MCU: variants seen among roughly 807,000 people sequenced by gnomAD.
The protein encoded by MCU is calcium uniporter protein, mitochondrial.
A neutral mutation model predicts 45.2 loss-of-function variants in MCU; 12 were observed. The observed-to-expected ratio is 0.27, with a 90% CI of 0.17 to 0.43. The LOEUF is 0.43. MCU is among the 20% of genes least tolerant of loss of function. The pLI, the probability that MCU is intolerant of heterozygous loss-of-function variation, is 1.00. For missense variants in MCU, 324 were observed against 436.7 expected (o/e 0.74, Z 2.30); for synonymous variants, 160 against 165.1 (o/e 0.97, Z 0.24).
At chr10:72,820,003 A>G (rs563773385) in intron 1 of MCU, among the ~76,000 whole-genome samples, 2 of 152,178 alleles carry the variant, frequency 1.3e-5, no homozygotes, top group Non-Finnish European at 2.9e-5. Flanking sequence ...CTGAGGGGAA[A>G]GTGTGTACTT....
intron 1 of MCU, among the ~76,000 whole-genome samples, chr10:72,777,306 A>G (rs1843910212): frequency 6.6e-6 from 1 of 152,238 alleles, no homozygotes; most frequent in East Asian, 1.9e-4. Flanking sequence ...TTTACTCTAA[A>G]GCTACAGTAA....
intron 1 of MCU, among the ~76,000 whole-genome samples, chr10:72,803,049 TCTC>T (rs764571560): frequency 2.0e-5 from 3 of 152,176 alleles, no homozygotes; most frequent in Non-Finnish European, 2.9e-5. Flanking sequence ...TTTCTCCTCT[TCTC>T]CTTTGTGGAT....
rs561928371 is a variant in MCU, at chr10:72,839,959, G to A, written c.220+5531G>A. ...AGCCTGGGTGACAAAGCGAGACTCC[G>A]TCTCAAAAAAAAAAAAAAAAAAAAA... is the stretch of plus-strand genomic sequence containing the variant. On this transcript the variant is annotated intron_variant, in intron 2 of 7. Coordinates refer to ENST00000373053, the MANE Select transcript of MCU (RefSeq NM_138357.3). 2.4e-4 allele frequency among the ~76,000 whole-genome samples: 17 copies of A among 70,674 alleles called. No individual in the cohort carries two copies. In the South Asian group the frequency reaches 6.9e-3, roughly 29 times the overall value. The allele number at this position is 70,674 out of a possible 152,430, so 46.4% of individuals were successfully genotyped here. A position where few individuals can be genotyped will look rare whatever the true frequency, so the allele number is the denominator to read the frequency against.
intron 2 of MCU, among the ~76,000 whole-genome samples, chr10:72,840,833 T>A (rs1439662310): frequency 6.6e-6 from 1 of 152,174 alleles, no homozygotes; most frequent in Non-Finnish European, 1.5e-5. Flanking sequence ...GTTTGAAACT[T>A]TACCAAAATG....
At chr10:72,704,422 T>C (rs1354256189) in intron 1 of MCU, among the ~76,000 whole-genome samples, 4 of 152,216 alleles carry the variant, frequency 2.6e-5, no homozygotes, top group Non-Finnish European at 4.4e-5. Flanking sequence ...TTTACAATCA[T>C]GTTAAATATG....
chr10:72,824,102 A>T (rs533381579), intron 1 of MCU, among the ~76,000 whole-genome samples: 1 of 152,220 alleles, frequency 6.6e-6, no homozygotes, highest in Non-Finnish European at 1.5e-5. Flanking sequence ...TCTCCAATTA[A>T]TGGAATGTGA....
At chr10:72,882,072 G>A (rs971499804) in intron 6 of MCU, among the ~76,000 whole-genome samples, 7 of 152,082 alleles carry the variant, frequency 4.6e-5, no homozygotes, top group East Asian at 3.8e-4. Context: ...AATTTCTTAC[G>A]CCTGTCTTTA....
At chr10:72,775,173 A>G (rs1039838520) in intron 1 of MCU, among the ~76,000 whole-genome samples, 1 of 152,212 alleles carries the variant, frequency 6.6e-6, no homozygotes. Context: ...AAATTTTTAA[A>G]AAACAGAAAT....
At chr10:72,828,534 C>T (rs966593020) in intron 1 of MCU, among the ~76,000 whole-genome samples, 1 of 151,948 alleles carries the variant, frequency 6.6e-6, no homozygotes, top group Non-Finnish European at 1.5e-5. Flanking sequence ...TGATGTCTAA[C>T]TGGCTGTGAA....
At chr10:72,768,177 A>C (rs539408207) in intron 1 of MCU, among the ~76,000 whole-genome samples, 3 of 152,294 alleles carry the variant, frequency 2.0e-5, no homozygotes, top group Admixed American at 6.5e-5. Context: ...ATTTTTGCAT[A>C]AAATAAAATT....
intron 2 of MCU, 57 bp from the exon 3 acceptor site, chr10:72,859,120 G>GA: frequency 5.4e-6 from 8 of 1,468,098 alleles, no homozygotes; most frequent in Non-Finnish European, 7.3e-6. Flanking sequence ...GTAATAATGT[G>GA]ACTTTAACTT....
chr10:72,833,617 T>A (rs1234728214), intron 1 of MCU, among the ~76,000 whole-genome samples: 1 of 152,264 alleles, frequency 6.6e-6, no homozygotes, highest in Non-Finnish European at 1.5e-5. Flanking sequence ...CTTCCTTTGA[T>A]ACTTTTTGGG....
intron 6 of MCU, among the ~76,000 whole-genome samples, chr10:72,876,503 A>C (rs1845617976): frequency 6.6e-6 from 1 of 152,206 alleles, no homozygotes. Flanking sequence ...ATTAAATATT[A>C]CTAGAGAGAA....
intron 1 of MCU, among the ~76,000 whole-genome samples, chr10:72,789,875 C>T (rs763138199): frequency 1.3e-5 from 2 of 152,150 alleles, no homozygotes; most frequent in Non-Finnish European, 2.9e-5. Flanking sequence ...GCATTTCAGA[C>T]TTCAAGCCAT....
intron 5 of MCU, among the ~76,000 whole-genome samples, chr10:72,869,180 T>G (rs552342445): frequency 6.6e-6 from 1 of 152,382 alleles, no homozygotes; most frequent in South Asian, 2.1e-4. Flanking sequence ...GATAATGATT[T>G]TAGCCAAGTT....
chr10:72,760,479 A>T (rs1320427350), intron 1 of MCU: 1 of 152,118 alleles, frequency 6.6e-6, no homozygotes, highest in African/African-American at 2.4e-5. Flanking sequence ...AGATTTATTT[A>T]AAAATATATT....
chr10:72,806,087 CAG>C (rs949062114), intron 1 of MCU, among the ~76,000 whole-genome samples: 6 of 148,392 alleles, frequency 4.0e-5, no homozygotes, highest in Non-Finnish European at 8.9e-5. Flanking sequence ...TGGTGAAGTA[CAG>C]AGAGTGAGAA....
chr10:72,755,830 A>G (rs1490269842), intron 1 of MCU, among the ~76,000 whole-genome samples: 3 of 151,438 alleles, frequency 2.0e-5, no homozygotes, highest in East Asian at 1.9e-4. Context: ...TATTAGCCCA[A>G]TTGAAACCAT....
intron 1 of MCU, among the ~76,000 whole-genome samples, chr10:72,767,610 A>G: frequency 6.6e-6 from 1 of 152,082 alleles, no homozygotes; most frequent in African/African-American, 2.4e-5. Context: ...AGCCTCCCAA[A>G]GTGCTGGGAT....
Sources: gnomAD v4.1 joint callset for allele counts (sites outside exome capture counted in the v4.1 genomes callset) on GRCh38, gnomAD v4.1.1 for gene constraint, MANE v1.5 for transcripts, NCBI Gene and HGNC (gene_info 2026-07-23, HGNC 2026-07-21) for gene names.